BLTP3B: variants seen among roughly 807,000 people sequenced by gnomAD.
BLTP3B encodes the protein bridge-like lipid transfer protein family member 3B.
At chr12:100,128,827 G>T in the BLTP3B span, 2 of 920,578 alleles carry the variant, frequency 2.2e-6, no homozygotes, top group Non-Finnish European at 2.7e-6. Context: ...GTGCCCTTTG[G>T]AAAAAAAAAA....
chr12:100,072,573 A>C, the BLTP3B span: 1 of 1,029,230 alleles, frequency 9.7e-7, no homozygotes, highest in African/African-American at 1.7e-5. Context: ...GGAACAATAC[A>C]GTTTTATTTA....
the BLTP3B span, among the ~76,000 whole-genome samples, chr12:100,124,961 TATATATATATATA>T: frequency 3.4e-5 from 4 of 116,026 alleles, no homozygotes; most frequent in African/African-American, 1.2e-4. Context: ...TATATATATA[TATATATATATATA>T]TATATTTATA....
the BLTP3B span, chr12:100,039,894 T>C: frequency 9.6e-7 from 1 of 1,042,936 alleles, no homozygotes; most frequent in Middle Eastern, 3.2e-4. Context: ...CTATATATAT[T>C]AGTTATGAGG....
At chr12:100,113,793 GAA>G in the BLTP3B span, among the ~76,000 whole-genome samples, 1 of 133,298 alleles carries the variant, frequency 7.5e-6, no homozygotes. Flanking sequence ...CCCTGTCTCA[GAA>G]AAAAAAAAAA....
the BLTP3B span, chr12:100,051,627 A>G: frequency 6.5e-6 from 1 of 153,800 alleles, no homozygotes; most frequent in Non-Finnish European, 1.4e-5. Flanking sequence ...TGCTCAATAC[A>G]TTATTAAAAA....
At chr12:100,120,511 C>A in the BLTP3B span, among the ~76,000 whole-genome samples, 2 of 152,100 alleles carry the variant, frequency 1.3e-5, no homozygotes, top group African/African-American at 4.8e-5. Context: ...AAATTAAAAA[C>A]CACAGTAAGA....
the BLTP3B span, among the ~76,000 whole-genome samples, chr12:100,111,327 T>A: frequency 7.1e-6 from 1 of 141,278 alleles, no homozygotes; most frequent in Admixed American, 7.5e-5. Flanking sequence ...ACGGTCTCGC[T>A]CTGTTGTCCA....
At chr12:100,092,829 G>C in the BLTP3B span, 2 of 874,524 alleles carry the variant, frequency 2.3e-6, no homozygotes, top group South Asian at 5.3e-5. Flanking sequence ...TTATGTCTAT[G>C]ATGGTAATAT....
the BLTP3B span, among the ~76,000 whole-genome samples, chr12:100,140,729 A>AAAAAATATATATATATATATAT: frequency 1.6e-5 from 1 of 61,502 alleles, no homozygotes; most frequent in African/African-American, 1.0e-4. Flanking sequence ...AAAAAAAAAA[A>AAAAAATATATATATATATATAT]ATATATATAT....
chr12:100,093,482 T>G, the BLTP3B span, among the ~76,000 whole-genome samples: 1 of 152,304 alleles, frequency 6.6e-6, no homozygotes, highest in East Asian at 1.9e-4. Context: ...GTGTTGAAAA[T>G]AACTAAAAAT....
chr12:100,134,817 T>C, the BLTP3B span, among the ~76,000 whole-genome samples: 3 of 152,210 alleles, frequency 2.0e-5, no homozygotes, highest in African/African-American at 7.2e-5. Flanking sequence ...CTCTTCTCTA[T>C]CAATCCACAT....
At chr12:100,124,318 C>T in the BLTP3B span, among the ~76,000 whole-genome samples, 1 of 151,812 alleles carries the variant, frequency 6.6e-6, no homozygotes, top group Non-Finnish European at 1.5e-5. Flanking sequence ...ATGGGTAGAC[C>T]TAGGCAGGGC....
At chr12:100,092,295 G>A in the BLTP3B span, among the ~76,000 whole-genome samples, 1 of 152,068 alleles carries the variant, frequency 6.6e-6, no homozygotes, top group African/African-American at 2.4e-5. Flanking sequence ...AGGACATTCT[G>A]TGTGATATCT....
At chr12:100,086,360 T>A in the BLTP3B span, 1 of 430,306 alleles carries the variant, frequency 2.3e-6, no homozygotes. Context: ...TGTTTGACTC[T>A]GGGAAAAAAA....
chr12:100,083,198 T>C, the BLTP3B span: 1 of 1,171,170 alleles, frequency 8.5e-7, no homozygotes, highest in Non-Finnish European at 1.3e-6. Flanking sequence ...ACTCTTTTAT[T>C]ATTAAGGCAG....
At chr12:100,095,984 G>T in the BLTP3B span, 2 of 821,262 alleles carry the variant, frequency 2.4e-6, no homozygotes, top group African/African-American at 1.8e-5. Flanking sequence ...GGGCACGGTG[G>T]CTCATGCCTG....
At chr12:100,051,267 A>T in the BLTP3B span, 1 of 1,567,986 alleles carries the variant, frequency 6.4e-7, no homozygotes, top group Non-Finnish European at 8.7e-7. Context: ...TCAGTTTTAC[A>T]CATGATCTAA....
At chr12:100,097,358 G>T in the BLTP3B span, 2 of 1,606,380 alleles carry the variant, frequency 1.2e-6, no homozygotes, top group Middle Eastern at 1.7e-4. Context: ...TAATCTTGTT[G>T]ACTCACCCTT....
the BLTP3B span, among the ~76,000 whole-genome samples, chr12:100,108,188 T>A: frequency 1.3e-5 from 2 of 152,182 alleles, no homozygotes; most frequent in Non-Finnish European, 2.9e-5. Flanking sequence ...AAAATTAAGA[T>A]CTATAAAGTA....
Sources: gnomAD v4.1 joint callset for allele counts (sites outside exome capture counted in the v4.1 genomes callset) on GRCh38, gnomAD v4.1.1 for gene constraint, MANE v1.5 for transcripts, NCBI Gene and HGNC (gene_info 2026-07-23, HGNC 2026-07-21) for gene names.